CHAT: variants seen among roughly 807,000 people sequenced by gnomAD.
CHAT encodes the protein choline O-acetyltransferase, also known as acetyl CoA:choline O-acetyltransferase.
Under a neutral mutation model 76.9 loss-of-function variants are expected in CHAT, and 61 were observed. The ratio of observed to expected loss-of-function variants is 0.79; its 90% CI spans 0.65 to 0.98. CHAT has a LOEUF of 0.98. Ranked by LOEUF, CHAT falls within the 50% of genes least tolerant of loss-of-function variation. The probability of loss-of-function intolerance (pLI) is 0.00; values close to 1 mark genes in which losing one functional copy is unlikely to be tolerated. For synonymous variants in CHAT, 407 were observed against 397.4 expected, an observed-to-expected ratio of 1.02 and a Z score of -0.29; for missense variants, 946 against 986.9, an observed-to-expected ratio of 0.96 and a Z score of 0.56.
chr10:49,638,253 T>A (rs1839359674), intron 7 of CHAT, among the ~76,000 whole-genome samples: 1 of 152,256 alleles, frequency 6.6e-6, no homozygotes, highest in South Asian at 2.1e-4. Context: ...AAGATAGCCA[T>A]TTCTGCTTTC....
upstream of CHAT, chr10:49,613,964 C>A: frequency 1.3e-6 from 1 of 756,046 alleles, no homozygotes; most frequent in Non-Finnish European, 2.2e-6. Context: ...TTCCTCAGAC[C>A]CAACCCTCTC....
chr10:49,623,864 A>G (rs1838822367), intron 5 of CHAT, among the ~76,000 whole-genome samples: 1 of 152,070 alleles, frequency 6.6e-6, no homozygotes, highest in Non-Finnish European at 1.5e-5. Context: ...TGTGTCCCCA[A>G]GCTCCCTCCT....
intron 7 of CHAT, among the ~76,000 whole-genome samples, chr10:49,630,128 A>T (rs182029182): frequency 6.6e-6 from 1 of 152,114 alleles, no homozygotes; most frequent in Non-Finnish European, 1.5e-5. Flanking sequence ...CAAGCTTAAT[A>T]TATATGTTTG....
upstream of CHAT, chr10:49,611,726 T>C: frequency 1.9e-6 from 3 of 1,606,358 alleles, no homozygotes; most frequent in Non-Finnish European, 2.5e-6. Context: ...GAGATGGGCA[T>C]GGCCTGGCTG....
chr10:49,614,447 G>A lies in CHAT; in HGVS notation c.258G>A (p.Ser86=), dbSNP rs778636468. 4.5e-6 allele frequency: 7 copies of A among 1,547,738 alleles called. No individual in the cohort carries two copies. The highest frequency in any genetic ancestry group is 4.6e-4 in the Middle Eastern group (2 of 4,364). ...CTCCTGAGTGGTGCGGTGCAGCGTCGGCCGAGGCAGCAGAGCCGAGGAGAG... is the reference window on the plus strand; with the variant it reads ...CTCCTGAGTGGTGCGGTGCAGCGTCAGCCGAGGCAGCAGAGCCGAGGAGAG... ...AHTPEWCGAA[S]AEAAEPRRAG... Residue 86 remains serine, a synonymous_variant, in exon 1 of 15, where the codon TCG becomes TCA. Transcript: ENST00000337653.
intron 10 of CHAT, among the ~76,000 whole-genome samples, chr10:49,650,967 G>C (rs1482432514): frequency 6.6e-6 from 1 of 152,116 alleles, no homozygotes; most frequent in East Asian, 1.9e-4. Flanking sequence ...CTCACTTCCA[G>C]GGACCTGAGC....
At chr10:49,643,601 G>A (rs75060187) in intron 7 of CHAT, among the ~76,000 whole-genome samples, 2,868 of 152,284 alleles carry the variant, frequency 0.019, 97 homozygotes, top group African/African-American at 0.064. Flanking sequence ...AGCCTTGCAA[G>A]GGGGAAGAAG....
chr10:49,622,100 T>G lies in CHAT; in HGVS notation c.702T>G (p.Phe234Leu). Reference protein sequence around the residue: ...HFPGTDDQLRFAASLISGVLS... With the variant: ...HFPGTDDQLRLAASLISGVLS... ...CAGGCCTCCCTTCTCCCTGCAGGTT[T>G]GCAGCCAGCCTCATCTCTGGTGTAC... The change falls in exon 5 of 15, where the codon TTT (phenylalanine) becomes TTG (leucine). Residue 234 changes from phenylalanine (F) to leucine (L), a missense_variant. Physicochemically the swap from Phe to Leu is conservative, Grantham distance 22. Coordinates refer to ENST00000337653, the MANE Select transcript of CHAT (RefSeq NM_020549.5). 1 of 1,171,262 alleles carries G rather than the reference T, an allele frequency of 8.5e-7. No individual in the cohort carries two copies. The highest frequency in any genetic ancestry group is 1.1e-6 in the Non-Finnish European group (1 of 936,254). The allele number at this position is 1,171,262 out of a possible 1,614,324, so 72.6% of individuals were successfully genotyped here. A position where few individuals can be genotyped will look rare whatever the true frequency, so the allele number is the denominator to read the frequency against.
At chr10:49,611,536 T>G, upstream of CHAT, 1 of 1,602,706 alleles carries the variant, frequency 6.2e-7, no homozygotes, top group Non-Finnish European at 8.5e-7. Context: ...GGCCAAACCC[T>G]TCTCGGCGGC....
At chr10:49,611,192 A>G (rs1190557346), upstream of CHAT, 10 of 1,614,126 alleles carry the variant, frequency 6.2e-6, no homozygotes, top group African/African-American at 1.3e-5. Context: ...CGCATGAGCT[A>G]CGACGTGCCG....
intron 7 of CHAT, among the ~76,000 whole-genome samples, chr10:49,639,061 C>G (rs1388910404): frequency 6.6e-6 from 1 of 152,082 alleles, no homozygotes; most frequent in Non-Finnish European, 1.5e-5. Context: ...AGAGACAAAC[C>G]CTGTCTCTAC....
At chr10:49,616,420 GGGGTCTGTT>G in intron 1 of CHAT, 73 bp from the exon 2 acceptor site, 1 of 1,063,408 alleles carries the variant, frequency 9.4e-7, no homozygotes, top group South Asian at 1.3e-5. Flanking sequence ...GGCTGGGGTG[GGGGTCTGTT>G]GGCGGGAGGT....
chr10:49,648,390 C>G lies in CHAT; in HGVS notation c.1282-117C>G, dbSNP rs1370544078. 4.1e-6 allele frequency: 3 copies of G among 729,128 alleles called. No homozygotes were observed. The African/African-American group carries it at 5.2e-5, about 13-fold the overall frequency. The allele number at this position is 729,128 out of a possible 1,614,324, so 45.2% of individuals were successfully genotyped here. On this transcript the variant is annotated intron_variant, in intron 8 of 14. Transcript: ENST00000337653. ...AGTGTTCTCTTCAGGAAATAATGTG[C>G]TCTGGTGTCCCTGGAGAAGAGGTGC...
chr10:49,666,748 C>T lies in CHAT; in HGVS notation c.*1702C>T, dbSNP rs1840348503. ...ATTTGGGCACTACCCTTTGAACATA[C>T]AAACTTAAGTCATTGGCCTGAGATT... On this transcript the variant is annotated 3_prime_UTR_variant, in exon 15 of 15. Transcript: ENST00000337653. Among the ~76,000 whole-genome samples, 1 of 152,230 alleles carries T rather than the reference C, an allele frequency of 6.6e-6. No individual in the cohort carries two copies. The highest frequency in any genetic ancestry group is 2.4e-5 in the African/African-American group (1 of 41,458).
rs121912818 is a variant in CHAT at position 49,649,569 on chromosome 10, A to C, written c.1444A>C (p.Arg482=). ...CGTCAGCGAGCTCCCCGCCCCCCGG[A>C]GGCTGCGGTGGAAATGCTCCCCGGA... ...DSVSELPAPR[R]LRWKCSPEIQ... is the part of the protein sequence containing the mutation. The change falls in exon 10 of 15, where the codon AGG becomes CGG. Residue 482 remains arginine, a synonymous_variant. Coordinates refer to ENST00000337653, the MANE Select transcript of CHAT (RefSeq NM_020549.5). 1.2e-6 allele frequency: 2 copies of C among 1,613,872 alleles called. No homozygotes were observed. Among genetic ancestry groups the C allele is most frequent in the Non-Finnish European group, 8.5e-7 (1 of 1,180,028 alleles).
At chr10:49,642,979 C>A (rs1839536223) in intron 7 of CHAT, among the ~76,000 whole-genome samples, 1 of 152,198 alleles carries the variant, frequency 6.6e-6, no homozygotes, top group Admixed American at 6.5e-5. Context: ...GCATTCATAG[C>A]CCTTGTTGAT....
In CHAT at chr10:49,619,764, C is replaced by T; in HGVS notation, c.427C>T (p.Leu143=). 6.2e-7 allele frequency: 1 copy of T among 1,613,850 alleles called. No individual in the cohort carries two copies. Among genetic ancestry groups the T allele is most frequent in the African/African-American group, 1.3e-5 (1 of 75,040 alleles). ...GCCCGTGCCCCCGCTGCAGCAGACC[C>T]TGGCCACGTACCTGCAGTGCATGCG... ...KLPVPPLQQT[L]ATYLQCMRHL... is the part of the protein sequence containing the mutation. The change falls in exon 3 of 15, where the codon CTG becomes TTG. Residue 143 remains leucine (L), a synonymous_variant. Coordinates refer to ENST00000337653, the MANE Select transcript of CHAT (RefSeq NM_020549.5).
At chr10:49,626,521 C>T (rs1219555795) in intron 6 of CHAT, among the ~76,000 whole-genome samples, 1 of 152,190 alleles carries the variant, frequency 6.6e-6, no homozygotes, top group African/African-American at 2.4e-5. Flanking sequence ...CATCTGAGGG[C>T]AGCTGTGACC....
At chr10:49,635,460 T>C (rs933275128) in intron 7 of CHAT, among the ~76,000 whole-genome samples, 1 of 152,240 alleles carries the variant, frequency 6.6e-6, no homozygotes, top group Admixed American at 6.5e-5. Context: ...ATGAAATTTC[T>C]AGGTCACACC....
Sources: allele counts gnomAD v4.1 joint callset (sites outside exome capture counted in the v4.1 genomes callset), GRCh38; gene constraint gnomAD v4.1.1; transcripts MANE v1.5; gene names NCBI Gene and HGNC (gene_info 2026-07-23, HGNC 2026-07-21).